BOC: variants seen among roughly 807,000 people sequenced by gnomAD.
BOC encodes the protein BOC cell adhesion associated, oncogene regulated.
In BOC, 76 loss-of-function variants were observed where a neutral mutation model predicts 112.0. That is an observed-to-expected ratio of 0.68 (90% CI 0.56 to 0.82). BOC has a LOEUF of 0.82. Ranked by LOEUF, BOC falls within the 40% of genes least tolerant of loss-of-function variation. The pLI, the probability that BOC is intolerant of heterozygous loss-of-function variation, is 0.00. For synonymous variants in BOC, 580 were observed against 599.8 expected, an observed-to-expected ratio of 0.97 and a Z score of 0.48; for missense variants, 1,309 against 1,511.7, an observed-to-expected ratio of 0.87 and a Z score of 2.22.
intron 2 of BOC, among the ~76,000 whole-genome samples, chr3:113,247,152 A>C (rs114495513): frequency 6.7e-6 from 1 of 150,346 alleles, no homozygotes; most frequent in African/African-American, 2.5e-5. Context: ...CTGTCTCCCT[A>C]CCTCCCTTCT....
chr3:113,259,482 C>T (rs915531663), intron 4 of BOC, among the ~76,000 whole-genome samples: 1 of 152,054 alleles, frequency 6.6e-6, no homozygotes, highest in Non-Finnish European at 1.5e-5. Flanking sequence ...TTCTTTAGAA[C>T]AAAAAAGAAA....
At chr3:113,212,503 C>T (rs947114540) in intron 1 of BOC, 4 of 152,272 alleles carry the variant, frequency 2.6e-5, no homozygotes, top group African/African-American at 9.6e-5. Flanking sequence ...ACTCAACACG[C>T]ACTCGGCCTC....
At chr3:113,265,482 A>G (rs1164502489) in intron 4 of BOC, among the ~76,000 whole-genome samples, 2 of 152,186 alleles carry the variant, frequency 1.3e-5, no homozygotes, top group African/African-American at 4.8e-5. Context: ...CACAGCTCAC[A>G]ATCATTCACA....
At chr3:113,263,377 A>G (rs543190035) in intron 4 of BOC, among the ~76,000 whole-genome samples, 1 of 152,352 alleles carries the variant, frequency 6.6e-6, no homozygotes, top group South Asian at 2.1e-4. Context: ...GTAAAAGGCC[A>G]AAGTTTCTTT....
In BOC at chr3:113,274,699, G is replaced by A; in HGVS notation, c.1542+17G>A. The A allele has an allele frequency of 3.8e-6, 6 of 1,564,936 alleles. No homozygotes were observed. The highest frequency in any genetic ancestry group is 2.6e-6 in the Non-Finnish European group (3 of 1,148,702). ...CACCGCAAGGTATGGCCCTGGTGTG[G>A]GGCTGCTGCCTCCCCTGCACAGCCT... On this transcript the variant is annotated intron_variant, in intron 9 of 19. Coordinates refer to ENST00000682979, the MANE Select transcript of BOC (RefSeq NM_001378074.1). This position sits in a 1 kb window ranked among gnomAD's most constrained non-coding sequence, Gnocchi z 4.8.
intron 14 of BOC, 53 bp from the exon 15 acceptor site, chr3:113,280,978 C>G (rs1949139808): frequency 1.9e-6 from 3 of 1,600,272 alleles, no homozygotes; most frequent in African/African-American, 2.7e-5. Flanking sequence ...AGATTGGGAT[C>G]AAGAAAACCA....
rs747804173 is a variant in BOC at position 113,279,273 on chromosome 3, C to A, written c.1841C>A (p.Thr614Asn). Residue 614 changes from threonine (T) to asparagine (N), a missense_variant, in exon 12 of 20, where the codon ACC (threonine) becomes AAC (asparagine). Transcript: ENST00000682979. ...LSPPEAPDRP[T>N]ISTASETSVY... ...GCCCCAGAAGCTCCCGACAGGCCCACCATCTCCACGGCCTCCGAGACCTCA... is the reference window on the plus strand; with the variant it reads ...GCCCCAGAAGCTCCCGACAGGCCCAACATCTCCACGGCCTCCGAGACCTCA... The A allele has an allele frequency of 2.8e-5, 45 of 1,613,904 alleles. No homozygotes were observed. The highest frequency in any genetic ancestry group is 3.7e-5 in the Non-Finnish European group (44 of 1,179,944).
chr3:113,268,627 GAC>G (rs1406720773), intron 5 of BOC, among the ~76,000 whole-genome samples, 182 bp downstream of exon 5: 1 of 152,120 alleles, frequency 6.6e-6, no homozygotes, highest in Admixed American at 6.5e-5. Flanking sequence ...CCTTTTAAGA[GAC>G]AGGATCTTGT....
rs998774925 is a variant in BOC, at chr3:113,273,224, C to T, written c.1117C>T (p.Arg373Cys). The change falls in exon 8 of 20, where the codon CGC becomes TGC. Residue 373 changes from arginine (R) to cysteine (C), a missense_variant. By Grantham distance (180) the Arg-to-Cys change is radical (BLOSUM62 -3). Transcript: ENST00000682979. The stretch of plus-strand genomic sequence containing the variant: ...CTCCAGCCAGCGCCTCCGGCTCTCC[C>T]GCAGGGCCCTGCGCGTGCTCAGCAT... The part of the protein sequence containing the change: ...LISSQRLRLS[R>C]RALRVLSMGP... 5.6e-6 allele frequency: 9 copies of T among 1,613,696 alleles called. No homozygotes were observed. Among genetic ancestry groups the T allele is most frequent in the Admixed American group, 3.3e-5 (2 of 60,022 alleles).
chr3:113,271,340 C>G (rs1218235043), intron 6 of BOC: 1 of 417,106 alleles, frequency 2.4e-6, no homozygotes, highest in Admixed American at 2.6e-5. Context: ...CTGTTCTGCC[C>G]TATATGAGGT....
chr3:113,225,627 C>A (rs147244907), intron 2 of BOC, among the ~76,000 whole-genome samples: 1 of 152,346 alleles, frequency 6.6e-6, no homozygotes, highest in East Asian at 1.9e-4. Context: ...TATTACATGT[C>A]CCAGGTTTGT....
rs758118740 is a variant in BOC, at chr3:113,250,665, C to T, written c.208C>T (p.Leu70=). 3 of 1,614,210 alleles carry T rather than the reference C, an allele frequency of 1.9e-6. No individual in the cohort carries two copies. Among genetic ancestry groups the T allele is most frequent in the Non-Finnish European group, 2.5e-6 (3 of 1,180,034 alleles). The change falls in exon 4 of 20, where the codon CTG becomes TTG. Residue 70 remains leucine, a synonymous_variant. Coordinates refer to ENST00000682979, the MANE Select transcript of BOC (RefSeq NM_001378074.1). ...EPPRMNVTWR[L]NGKELNGSDD... ...TCCAAGGATGAATGTAACCTGGCGC[C>T]TGAATGGAAAGGAGCTGAATGGCTC...
At chr3:113,245,402 C>G (rs1424440947) in intron 2 of BOC, among the ~76,000 whole-genome samples, 4 of 152,122 alleles carry the variant, frequency 2.6e-5, no homozygotes, top group African/African-American at 9.7e-5. Context: ...TTCTTAATTC[C>G]TTCTCCTAAG....
In BOC at chr3:113,273,346, G is replaced by C. The variant is rs1306443581; in HGVS notation, c.1234+5G>C. The stretch of plus-strand genomic sequence containing the variant: ...AGCTGCGGACCTCCAGGCCAAGTGA[G>C]TGTAGCCCAGGGGTCTGAGATTCCA... On this transcript the variant is annotated splice_donor_5th_base_variant and intron_variant, in intron 8 of 19. Coordinates refer to ENST00000682979, the MANE Select transcript of BOC (RefSeq NM_001378074.1). The C allele has an allele frequency of 6.3e-7, 1 of 1,584,258 alleles. No individual in the cohort carries two copies. The highest frequency in any genetic ancestry group is 1.7e-5 in the Admixed American group (1 of 59,324).
At chr3:113,279,690 T>G in intron 12 of BOC, 134 bp from the exon 13 acceptor site, 1 of 971,462 alleles carries the variant, frequency 1.0e-6, no homozygotes, top group Non-Finnish European at 1.5e-6. Context: ...CGGGTGTTCT[T>G]GTGAGGCCTT....
chr3:113,226,607 A>G (rs1226243073), intron 2 of BOC, among the ~76,000 whole-genome samples: 1 of 152,236 alleles, frequency 6.6e-6, no homozygotes, highest in Non-Finnish European at 1.5e-5. Context: ...CACATGAGAA[A>G]TTAACCAAAA....
chr3:113,236,244 G>A, intron 2 of BOC, among the ~76,000 whole-genome samples: 1 of 58,074 alleles, frequency 1.7e-5, no homozygotes, highest in Admixed American at 1.6e-4. Flanking sequence ...GTGTGTGTGT[G>A]TGTGTGTGTG....
intron 2 of BOC, among the ~76,000 whole-genome samples, chr3:113,221,875 C>G (rs990582742): frequency 5.3e-5 from 8 of 152,146 alleles, no homozygotes; most frequent in African/African-American, 1.9e-4. Context: ...TGAGGCCTCC[C>G]TTCCCCCCTT....
chr3:113,241,517 C>T (rs1944292544), intron 2 of BOC, among the ~76,000 whole-genome samples: 1 of 152,100 alleles, frequency 6.6e-6, no homozygotes, highest in Admixed American at 6.6e-5. Context: ...CCAGCCTTTC[C>T]ACCAGCCCCA....
Sources: gnomAD v4.1 joint callset for allele counts (sites outside exome capture counted in the v4.1 genomes callset) on GRCh38, gnomAD v4.1.1 for gene constraint, Gnocchi (gnomAD v3.1) non-coding constraint, MANE v1.5 for transcripts, NCBI Gene and HGNC (gene_info 2026-07-23, HGNC 2026-07-21) for gene names.